The following PRKCB variants were observed in gnomAD, a reference collection of about 807,000 sequenced individuals.
PRKCB encodes the protein protein kinase C beta.
PRKCB carries 13 observed loss-of-function variants against 81.5 expected under a neutral mutation model. The ratio of observed to expected loss-of-function variants is 0.16; its 90% confidence interval spans 0.10 to 0.25. The LOEUF is 0.25. Among genes scored for constraint, PRKCB ranks in the 10% least tolerant of loss-of-function variants. The pLI, the probability that PRKCB is intolerant of heterozygous loss-of-function variation, is 1.00. For synonymous variants in PRKCB, 335 were observed against 321.4 expected (o/e 1.04, Z -0.45); for missense variants, 509 against 875.7 (o/e 0.58, Z 5.29).
intron 5 of PRKCB, among the ~76,000 whole-genome samples, chr16:24,071,073 G>T (rs925425296): frequency 3.3e-5 from 5 of 152,106 alleles, no homozygotes; most frequent in Non-Finnish European, 7.4e-5. Context: ...TGAAGAGGGA[G>T]CTCAAAGCCC....
intron 9 of PRKCB, among the ~76,000 whole-genome samples, chr16:24,139,260 T>A (rs1055087985): frequency 6.6e-5 from 10 of 152,214 alleles, no homozygotes; most frequent in African/African-American, 2.4e-4. Context: ...GTTACTGGAA[T>A]TGATCAATAT....
At chr16:24,061,906 TAAATAA>T (rs1408543849) in intron 5 of PRKCB, among the ~76,000 whole-genome samples, 3 of 46,080 alleles carry the variant, frequency 6.5e-5, no homozygotes, top group African/African-American at 1.8e-4. Flanking sequence ...GCACCTTAAA[TAAATAA>T]AAAAAAAAAA....
At chr16:24,085,543 C>CAAG (rs1483281378) in intron 5 of PRKCB, among the ~76,000 whole-genome samples, 2 of 152,188 alleles carry the variant, frequency 1.3e-5, no homozygotes, top group Non-Finnish European at 2.9e-5. Context: ...AATTTGGACT[C>CAAG]TCTTAAGAGT....
intron 10 of PRKCB, among the ~76,000 whole-genome samples, chr16:24,162,631 T>C (rs989380194): frequency 1.3e-5 from 2 of 150,636 alleles, no homozygotes; most frequent in African/African-American, 4.9e-5. Context: ...TAAAATTTTT[T>C]TGTAGAGATG....
chr16:24,015,492 G>A (rs894214358), intron 3 of PRKCB, among the ~76,000 whole-genome samples: 2 of 152,226 alleles, frequency 1.3e-5, no homozygotes, highest in African/African-American at 4.8e-5. Flanking sequence ...AAGCCAGCAG[G>A]TGGAGGTGGG....
At chr16:23,884,555 G>A (rs1239175971) in intron 2 of PRKCB, among the ~76,000 whole-genome samples, 1 of 152,050 alleles carries the variant, frequency 6.6e-6, no homozygotes, top group East Asian at 1.9e-4. Context: ...TTCTTTTTGA[G>A]TCAGGGTTTC....
chr16:24,147,421 C>A (rs1219833396), intron 9 of PRKCB, among the ~76,000 whole-genome samples: 1 of 152,124 alleles, frequency 6.6e-6, no homozygotes, highest in Non-Finnish European at 1.5e-5. Flanking sequence ...CAGTGCCTAG[C>A]ATCATGCCTA....
intron 3 of PRKCB, among the ~76,000 whole-genome samples, chr16:24,013,380 C>A (rs1965231201): frequency 1.3e-5 from 2 of 152,174 alleles, no homozygotes; most frequent in Non-Finnish European, 2.9e-5. Context: ...TACATGGTGA[C>A]AAAGAACCCA....
chr16:23,963,847 T>A (rs1964454784), intron 2 of PRKCB: 1 of 152,282 alleles, frequency 6.6e-6, no homozygotes, highest in Non-Finnish European at 1.5e-5. Context: ...CTGTACATGA[T>A]GTTTCTCTTT....
chr16:23,936,940 G>A (rs772527041), intron 2 of PRKCB, among the ~76,000 whole-genome samples: 3 of 152,142 alleles, frequency 2.0e-5, no homozygotes, highest in African/African-American at 4.8e-5. Flanking sequence ...TATCTTTAGC[G>A]ACGGGAAATT....
At chr16:24,202,188 A>G (rs1255481318) in intron 16 of PRKCB, among the ~76,000 whole-genome samples, 5 of 152,174 alleles carry the variant, frequency 3.3e-5, no homozygotes, top group Non-Finnish European at 7.4e-5. Flanking sequence ...TTTTCATGTT[A>G]AAAATCCCCT....
chr16:24,002,474 G>A (rs376269004), intron 3 of PRKCB, among the ~76,000 whole-genome samples: 4 of 151,934 alleles, frequency 2.6e-5, no homozygotes, highest in African/African-American at 7.3e-5. Context: ...TGAGTAGCTC[G>A]GATTATAGGC....
intron 10 of PRKCB, among the ~76,000 whole-genome samples, chr16:24,158,068 C>G (rs190208816): frequency 2.0e-5 from 3 of 152,242 alleles, no homozygotes; most frequent in East Asian, 1.9e-4. Flanking sequence ...AAGTCTTTAA[C>G]CTATCTCTAG....
intron 5 of PRKCB, among the ~76,000 whole-genome samples, chr16:24,075,274 A>G (rs1316335751): frequency 3.9e-5 from 6 of 152,220 alleles, no homozygotes; most frequent in Non-Finnish European, 7.3e-5. Context: ...AGAAAGTTCT[A>G]TTGGACAGTG....
chr16:23,920,367 A>C (rs1963805925), intron 2 of PRKCB, among the ~76,000 whole-genome samples: 1 of 152,240 alleles, frequency 6.6e-6, no homozygotes, highest in African/African-American at 2.4e-5. Context: ...AAGCAAGCCA[A>C]CTAGAATAAA....
rs9926864 is a variant in PRKCB at position 24,134,721 on chromosome 16, C to A, written c.1065+10740C>A. 6.8e-3 allele frequency among the ~76,000 whole-genome samples: 1,031 copies of A among 151,512 alleles called. 7 individuals carry two copies. Among genetic ancestry groups the A allele is most frequent in the African/African-American group, 0.024 (971 of 41,220 alleles). On this transcript the variant is annotated intron_variant, in intron 9 of 16. Coordinates refer to ENST00000643927, the MANE Select transcript of PRKCB (RefSeq NM_002738.7). ...TCGAGATCATGTCACTGCACTCCAG[C>A]CTGGGCGACAGAGCGAGACTCCGTC...
chr16:24,028,597 A>C (rs1158122715), intron 3 of PRKCB, among the ~76,000 whole-genome samples: 2 of 152,112 alleles, frequency 1.3e-5, no homozygotes, highest in Non-Finnish European at 2.9e-5. Flanking sequence ...TGTGTTGAAC[A>C]TCTTTGTTTT....
chr16:24,017,892 ATTT>A (rs35809970), intron 3 of PRKCB, among the ~76,000 whole-genome samples: 1 of 113,256 alleles, frequency 8.8e-6, no homozygotes, highest in Non-Finnish European at 1.8e-5. Context: ...ACCATAACTA[ATTT>A]TTTTTTTTTT....
At chr16:24,046,987 T>C (rs72779955) in intron 5 of PRKCB, among the ~76,000 whole-genome samples, 5 of 152,232 alleles carry the variant, frequency 3.3e-5, no homozygotes, top group Non-Finnish European at 7.4e-5. Context: ...GGATCATCAG[T>C]TGAGGCCACA....
Sources: allele counts gnomAD v4.1 joint callset (sites outside exome capture counted in the v4.1 genomes callset), GRCh38; gene constraint gnomAD v4.1.1; transcripts MANE v1.5; gene names NCBI Gene and HGNC (gene_info 2026-07-23, HGNC 2026-07-21).